Variants in PEX7 observed in about 807,000 individuals in gnomAD.
PEX7 encodes PTS2 receptor.
PEX7 carries 34 observed loss-of-function variants against 47.5 expected under a neutral mutation model. The ratio of observed to expected loss-of-function variants is 0.72; its 90% CI spans 0.54 to 0.95. PEX7 has a LOEUF of 0.95. Ranked by LOEUF, PEX7 falls within the 40% of genes least tolerant of loss-of-function variation. PEX7 has a pLI of 0.00. For missense variants in PEX7, 394 were observed against 400.3 expected (o/e 0.98, Z 0.13); for synonymous variants, 141 against 148.8 (o/e 0.95, Z 0.38).
At chr6:136,837,812 CCACACA>C (rs34680868) in intron 3 of PEX7, among the ~76,000 whole-genome samples, 2,600 of 146,800 alleles carry the variant, frequency 0.018, 74 homozygotes, top group African/African-American at 0.057. Flanking sequence ...AATTTAAACG[CCACACA>C]CACACACACA....
intron 8 of PEX7, among the ~76,000 whole-genome samples, chr6:136,884,118 T>G (rs1775425936): frequency 6.6e-6 from 1 of 152,164 alleles, no homozygotes; most frequent in Non-Finnish European, 1.5e-5. Context: ...CTTTTGACTA[T>G]ATTACATGTA....
At chr6:136,846,555 CATT>C (rs1285384614) in intron 5 of PEX7, among the ~76,000 whole-genome samples, 7 of 151,906 alleles carry the variant, frequency 4.6e-5, no homozygotes, top group Admixed American at 4.6e-4. Flanking sequence ...CAAGTGTTCT[CATT>C]GTTCACTTCC....
chr6:136,829,528 G>A (rs147476035), intron 3 of PEX7, among the ~76,000 whole-genome samples: 2 of 152,298 alleles, frequency 1.3e-5, no homozygotes, highest in Non-Finnish European at 2.9e-5. Context: ...ATTTCAACAT[G>A]TGGGTTTTGT....
chr6:136,840,161 G>T (rs947984818), intron 3 of PEX7, among the ~76,000 whole-genome samples: 2 of 152,092 alleles, frequency 1.3e-5, no homozygotes. Context: ...AAAAATCAAT[G>T]AAATATTTTA....
chr6:136,888,972 C>G (rs1376209504), intron 8 of PEX7, among the ~76,000 whole-genome samples: 1 of 152,082 alleles, frequency 6.6e-6, no homozygotes, highest in Admixed American at 6.6e-5. Context: ...TTGGGACCAT[C>G]GCGTTTGTTA....
chr6:136,845,761 C>A, intron 4 of PEX7, 69 bp downstream of exon 4: 1 of 959,786 alleles, frequency 1.0e-6, no homozygotes, highest in South Asian at 1.3e-5. Flanking sequence ...ATTTTCTTCT[C>A]TTTTTCCAAC....
At chr6:136,826,226 G>A in intron 2 of PEX7, 93 bp from the exon 3 acceptor site, 2 of 1,392,072 alleles carry the variant, frequency 1.4e-6, no homozygotes, top group South Asian at 1.2e-5. Flanking sequence ...GTGATAAATT[G>A]AAAGAAAAAA....
chr6:136,904,483 G>T (rs955903484), intron 9 of PEX7, among the ~76,000 whole-genome samples: 5 of 152,108 alleles, frequency 3.3e-5, no homozygotes, highest in African/African-American at 7.2e-5. Flanking sequence ...ACCTTGAATT[G>T]TAACTCCCAC....
chr6:136,885,561 CT>C (rs1775454933), intron 8 of PEX7, among the ~76,000 whole-genome samples: 1 of 152,168 alleles, frequency 6.6e-6, no homozygotes, highest in African/African-American at 2.4e-5. Context: ...TACAACTGTA[CT>C]CTACTTTAAA....
chr6:136,835,271 G>A (rs1774365310), intron 3 of PEX7, among the ~76,000 whole-genome samples: 1 of 150,248 alleles, frequency 6.7e-6, no homozygotes, highest in Non-Finnish European at 1.5e-5. Flanking sequence ...CATCACTTTG[G>A]GAGCTTACAA....
chr6:136,880,406 C>T (rs181052276), intron 8 of PEX7, among the ~76,000 whole-genome samples: 11 of 152,214 alleles, frequency 7.2e-5, no homozygotes, highest in African/African-American at 2.4e-4. Context: ...TCATAGGATG[C>T]ACTTTCTCTT....
At chr6:136,826,544 C>G in intron 3 of PEX7, 75 bp downstream of exon 3, 1 of 1,537,882 alleles carries the variant, frequency 6.5e-7, no homozygotes. Flanking sequence ...GGGATGGACA[C>G]ATGGAGAAAT....
chr6:136,833,308 G>A (rs745924585), intron 3 of PEX7, among the ~76,000 whole-genome samples: 9 of 152,074 alleles, frequency 5.9e-5, no homozygotes, highest in Non-Finnish European at 1.2e-4. Context: ...ACAGCATGGG[G>A]GAAACTGCAC....
At chr6:136,842,099 A>T (rs1174103063) in intron 3 of PEX7, among the ~76,000 whole-genome samples, 3 of 151,106 alleles carry the variant, frequency 2.0e-5, no homozygotes, top group Non-Finnish European at 4.4e-5. Context: ...CCTGGGAGCG[A>T]TTCTCCTGCC....
chr6:136,901,478 T>C (rs1251897761), intron 9 of PEX7: 1 of 152,324 alleles, frequency 6.6e-6, no homozygotes, highest in African/African-American at 2.4e-5. Context: ...TTAGGCCTCG[T>C]TCAATGTGTC....
intron 3 of PEX7, among the ~76,000 whole-genome samples, chr6:136,835,843 TC>T (rs1562730019): frequency 6.6e-6 from 1 of 152,212 alleles, no homozygotes; most frequent in Non-Finnish European, 1.5e-5. Context: ...AAATCATTAT[TC>T]CCAACCCATT....
intron 5 of PEX7, among the ~76,000 whole-genome samples, chr6:136,852,182 G>T (rs1582748947): frequency 6.6e-6 from 1 of 151,566 alleles, no homozygotes; most frequent in Non-Finnish European, 1.5e-5. Flanking sequence ...TTTTGTATAA[G>T]GTGTAAGGAA....
chr6:136,908,304 A>C (rs1775876368), intron 9 of PEX7, among the ~76,000 whole-genome samples: 2 of 152,218 alleles, frequency 1.3e-5, no homozygotes, highest in Admixed American at 6.5e-5. Flanking sequence ...AATAATTAAA[A>C]ATAGAACTTA....
At chr6:136,860,065 G>A (rs559552063) in intron 5 of PEX7, among the ~76,000 whole-genome samples, 5 of 151,948 alleles carry the variant, frequency 3.3e-5, no homozygotes, top group Non-Finnish European at 5.9e-5. Flanking sequence ...TGGCAGGTCT[G>A]CAATTGATAA....
Sources: gnomAD v4.1 joint callset for allele counts (sites outside exome capture counted in the v4.1 genomes callset) on GRCh38, gnomAD v4.1.1 for gene constraint, MANE v1.5 for transcripts, NCBI Gene and HGNC (gene_info 2026-07-23, HGNC 2026-07-21) for gene names.